The following ELOVL6 variants were observed in gnomAD, a reference collection of about 807,000 sequenced individuals.
ELOVL6 encodes very long chain fatty acid elongase 6.
Under a neutral mutation model 31.7 loss-of-function variants are expected in ELOVL6, and 8 were observed. The observed-to-expected ratio is 0.25, with a 90% CI of 0.15 to 0.45. The LOEUF is 0.45. ELOVL6 is among the 20% of genes least tolerant of loss of function. The probability of loss-of-function intolerance (pLI) is 1.00; values close to 1 mark genes in which losing one functional copy is unlikely to be tolerated. For synonymous variants in ELOVL6, 101 were observed against 117.7 expected (o/e 0.86, Z 0.92); for missense variants, 126 against 326.4 (o/e 0.39, Z 4.73).
At chr4:110,135,526 CTTACAGG>C (rs1466739336) in intron 1 of ELOVL6, among the ~76,000 whole-genome samples, 1 of 152,154 alleles carries the variant, frequency 6.6e-6, no homozygotes, top group Non-Finnish European at 1.5e-5. Flanking sequence ...AATAGGAACA[CTTACAGG>C]GTAGCAGGGT....
At chr4:110,156,869 C>T (rs1378233212) in intron 1 of ELOVL6, among the ~76,000 whole-genome samples, 2 of 152,146 alleles carry the variant, frequency 1.3e-5, no homozygotes, top group African/African-American at 4.8e-5. Context: ...AAAGCATCCA[C>T]ACTGAAAACA....
intron 1 of ELOVL6, among the ~76,000 whole-genome samples, chr4:110,113,813 T>C (rs1019156234): frequency 3.9e-5 from 6 of 152,244 alleles, no homozygotes; most frequent in African/African-American, 1.4e-4. Flanking sequence ...AGGCAGCATG[T>C]AGAAATAGAA....
At chr4:110,128,912 C>A (rs897571616) in intron 1 of ELOVL6, among the ~76,000 whole-genome samples, 4 of 152,124 alleles carry the variant, frequency 2.6e-5, no homozygotes, top group Non-Finnish European at 5.9e-5. Context: ...TTGGAAGATA[C>A]AAGAAAGGCT....
At chr4:110,084,338 A>C (rs1490202192) in intron 2 of ELOVL6, among the ~76,000 whole-genome samples, 1 of 124,232 alleles carries the variant, frequency 8.0e-6, no homozygotes, top group Non-Finnish European at 1.6e-5. Context: ...TATATATCAC[A>C]TATATGATAT....
intron 2 of ELOVL6, 46 bp from the exon 3 acceptor site, chr4:110,059,800 T>C: frequency 1.3e-6 from 2 of 1,558,712 alleles, no homozygotes; most frequent in Non-Finnish European, 1.8e-6. Flanking sequence ...GAAAATAGTT[T>C]CACTTCTCAC....
intron 1 of ELOVL6, among the ~76,000 whole-genome samples, chr4:110,158,264 A>C (rs1223050610): frequency 3.9e-5 from 6 of 152,202 alleles, no homozygotes; most frequent in Non-Finnish European, 8.8e-5. Flanking sequence ...AGATAACTAC[A>C]GTAAAGAACA....
chr4:110,194,816 T>C (rs1000572455), intron 1 of ELOVL6, among the ~76,000 whole-genome samples: 1 of 152,250 alleles, frequency 6.6e-6, no homozygotes, highest in African/African-American at 2.4e-5. Flanking sequence ...GGCAAAATAC[T>C]ACTCCTGGCC....
chr4:110,079,155 CCT>C (rs1755752731), intron 2 of ELOVL6, among the ~76,000 whole-genome samples: 1 of 152,108 alleles, frequency 6.6e-6, no homozygotes, highest in African/African-American at 2.4e-5. Flanking sequence ...ACTTTAACAC[CCT>C]ACTGTCAACA....
At chr4:110,164,325 G>A (rs1758708488) in intron 1 of ELOVL6, among the ~76,000 whole-genome samples, 1 of 152,120 alleles carries the variant, frequency 6.6e-6, no homozygotes, top group African/African-American at 2.4e-5. Flanking sequence ...TTAAGGTGAG[G>A]GAAGATGAAG....
chr4:110,054,028 G>A (rs1369887606), intron 3 of ELOVL6, among the ~76,000 whole-genome samples: 1 of 152,180 alleles, frequency 6.6e-6, no homozygotes, highest in African/African-American at 2.4e-5. Flanking sequence ...TGAACCTGGG[G>A]AGGCGGAGGT....
intron 2 of ELOVL6, among the ~76,000 whole-genome samples, chr4:110,084,634 G>A (rs540244164): frequency 7.2e-5 from 8 of 111,500 alleles, no homozygotes; most frequent in East Asian, 2.8e-4. Context: ...TTGCTCTGTC[G>A]CCCAGACTGG....
At chr4:110,077,218 G>A (rs967920900) in intron 2 of ELOVL6, among the ~76,000 whole-genome samples, 1 of 152,202 alleles carries the variant, frequency 6.6e-6, no homozygotes, top group Admixed American at 6.5e-5. Flanking sequence ...AAATGTCCCT[G>A]TCTGACAGCT....
chr4:110,077,857 A>T (rs1427187699), intron 2 of ELOVL6, among the ~76,000 whole-genome samples: 2 of 142,090 alleles, frequency 1.4e-5, no homozygotes, highest in Non-Finnish European at 3.1e-5. Context: ...ATTAGACGAA[A>T]GGCTAACTAG....
At position 110,189,592 on chromosome 4, in the gene ELOVL6, CA is replaced by C. The variant is rs761765202; in HGVS notation, c.89+8654del. ...TGGGAGACACAGCAAGACTCTGTCT[CA>C]AAAAAAAAAAAAAAAAAAAAAGAGA... On this transcript the variant is annotated intron_variant, in intron 1 of 3. Coordinates refer to ENST00000302274, the MANE Select transcript of ELOVL6 (RefSeq NM_024090.3). 2.5e-3 allele frequency among the ~76,000 whole-genome samples: 186 copies of C among 75,344 alleles called. 2 individuals carry two copies. Among genetic ancestry groups the C allele is most frequent in the African/African-American group, 7.9e-3 (145 of 18,282 alleles). 49.4% of individuals were successfully genotyped at this position (75,344 alleles called of 152,430 possible).
At chr4:110,180,236 A>T (rs112758756) in intron 1 of ELOVL6, among the ~76,000 whole-genome samples, 3 of 152,322 alleles carry the variant, frequency 2.0e-5, no homozygotes, top group African/African-American at 7.2e-5. Context: ...GTGAAATAAC[A>T]CCCACAATCT....
intron 1 of ELOVL6, among the ~76,000 whole-genome samples, chr4:110,132,517 G>A (rs550161681): frequency 8.5e-5 from 13 of 152,058 alleles, no homozygotes; most frequent in African/African-American, 2.9e-4. Context: ...TAGTTTGATG[G>A]GGAGTCAAGA....
chr4:110,115,383 T>A (rs890014831), intron 1 of ELOVL6, among the ~76,000 whole-genome samples: 1 of 152,120 alleles, frequency 6.6e-6, no homozygotes, highest in Admixed American at 6.6e-5. Flanking sequence ...TTAAACATTG[T>A]TTTTACTTAT....
intron 2 of ELOVL6, among the ~76,000 whole-genome samples, chr4:110,090,600 C>CTTTTTTTTTTTTTTTGT (rs1756393372): frequency 2.2e-4 from 23 of 103,718 alleles, no homozygotes; most frequent in African/African-American, 8.5e-4. Flanking sequence ...GTTTGACTTT[C>CTTTTTTTTTTTTTTTGT]TTTTTTTTTT....
intron 3 of ELOVL6, among the ~76,000 whole-genome samples, chr4:110,056,573 T>C (rs751827136): frequency 6.6e-6 from 1 of 152,064 alleles, no homozygotes; most frequent in Non-Finnish European, 1.5e-5. Flanking sequence ...GAAAATTATC[T>C]CTATAAAGGG....
Sources: allele counts gnomAD v4.1 joint callset (sites outside exome capture counted in the v4.1 genomes callset), GRCh38; gene constraint gnomAD v4.1.1; transcripts MANE v1.5; gene names NCBI Gene and HGNC (gene_info 2026-07-23, HGNC 2026-07-21).